The following PDE4D variants were observed in gnomAD, a reference collection of about 807,000 sequenced individuals.
PDE4D encodes the protein 3',5'-cyclic-AMP phosphodiesterase 4D.
In PDE4D, 24 loss-of-function variants were observed where a neutral mutation model predicts 87.4. The observed-to-expected ratio is 0.27, with a 90% CI of 0.20 to 0.39. The LOEUF (loss-of-function observed/expected upper bound fraction) is 0.39. PDE4D is among the 10% of genes least tolerant of loss of function. PDE4D has a pLI of 1.00. For missense variants in PDE4D, 714 were observed against 1,041.0 expected (o/e 0.69, Z 4.32); for synonymous variants, 384 against 383.2 (o/e 1.00, Z -0.02).
chr5:59,654,440 G>A (rs2150253091), intron 1 of PDE4D, among the ~76,000 whole-genome samples: 1 of 152,256 alleles, frequency 6.6e-6, no homozygotes, highest in South Asian at 2.1e-4. Flanking sequence ...GAGGTACTTT[G>A]TTAGCACAAT....
intron 1 of PDE4D, among the ~76,000 whole-genome samples, chr5:60,278,646 T>C (rs1044450990): frequency 6.6e-6 from 1 of 152,086 alleles, no homozygotes; most frequent in Non-Finnish European, 1.5e-5. Flanking sequence ...TTCCATTTTA[T>C]TATTTTTTTA....
chr5:60,169,292 G>A (rs1417031507), intron 2 of PDE4D, among the ~76,000 whole-genome samples: 1 of 151,906 alleles, frequency 6.6e-6, no homozygotes, highest in Non-Finnish European at 1.5e-5. Flanking sequence ...ACAAAAATAA[G>A]GAAACATTAA....
At position 59,112,733 on chromosome 5, in the gene PDE4D, C is replaced by A. The variant is rs560872280; in HGVS notation, c.808+67862G>T. Among the ~76,000 whole-genome samples, 19 of 151,196 alleles carry A rather than the reference C, an allele frequency of 1.3e-4. No individual in the cohort carries two copies. In the East Asian group the frequency reaches 3.3e-3, roughly 26 times the overall value. ...AGTTGGGGAAATCTATAATTCAACC[C>A]TCCCTCCCTTCCTTCCTCTCTTCTT... On this transcript the variant is annotated intron_variant, in intron 5 of 14. Transcript: ENST00000340635.
intron 1 of PDE4D, among the ~76,000 whole-genome samples, chr5:60,346,448 T>C (rs1392837757): frequency 6.6e-6 from 1 of 152,202 alleles, no homozygotes; most frequent in Non-Finnish European, 1.5e-5. Flanking sequence ...TCTCTAATAC[T>C]CAAATTACCA....
In PDE4D at chr5:59,915,695, C is replaced by A. The variant is rs1581720981; in HGVS notation, c.272+72793G>T. 2.0e-5 allele frequency among the ~76,000 whole-genome samples: 3 copies of A among 152,158 alleles called. No homozygotes were observed. The East Asian group carries it at 5.8e-4, about 29-fold the overall frequency. On this transcript the variant is annotated intron_variant, in intron 3 of 16. Transcript: ENST00000502484. ...TACCTCACTAGGGACTAAGGCATTG[C>A]ATTATGTCAGGATTGTATTACTTTT...
chr5:59,932,140 G>T lies in PDE4D; in HGVS notation c.272+56348C>A, dbSNP rs574885195. 5.3e-5 allele frequency among the ~76,000 whole-genome samples: 8 copies of T among 152,300 alleles called. No individual in the cohort carries two copies. In the East Asian group the frequency reaches 1.3e-3, roughly 26 times the overall value. ...TTAGAAACCATCCACATTCAGGTAG[G>T]TCAAGTGTTAAAAGCATAGCCATCA... On this transcript the variant is annotated intron_variant, in intron 3 of 16. Transcript: ENST00000502484.
intron 1 of PDE4D, among the ~76,000 whole-genome samples, chr5:59,382,390 C>A (rs1434359867): frequency 6.6e-6 from 1 of 151,632 alleles, no homozygotes; most frequent in Non-Finnish European, 1.5e-5. Flanking sequence ...ATTCCACAAG[C>A]AAAAAAAATT....
chr5:60,252,068 T>G (rs1308443599), intron 1 of PDE4D, among the ~76,000 whole-genome samples: 1 of 152,008 alleles, frequency 6.6e-6, no homozygotes, highest in African/African-American at 2.4e-5. Flanking sequence ...GTTTGTAGTC[T>G]AGGAGCAATA....
intron 1 of PDE4D, among the ~76,000 whole-genome samples, chr5:59,478,937 G>C (rs531061744): frequency 1.3e-5 from 2 of 151,956 alleles, no homozygotes; most frequent in Non-Finnish European, 2.9e-5. Context: ...TTAGTAATAA[G>C]TATCTTAAAA....
At chr5:60,242,902 C>A (rs1321690563) in intron 1 of PDE4D, among the ~76,000 whole-genome samples, 1 of 151,602 alleles carries the variant, frequency 6.6e-6, no homozygotes, top group Non-Finnish European at 1.5e-5. Flanking sequence ...AATAAAAAAA[C>A]CCAATAGTGT....
At chr5:59,754,256 G>A (rs1760892059) in intron 1 of PDE4D, among the ~76,000 whole-genome samples, 1 of 152,200 alleles carries the variant, frequency 6.6e-6, no homozygotes, top group South Asian at 2.1e-4. Flanking sequence ...CTTGAACCCA[G>A]GAGGCAGAGG....
At position 60,371,006 on chromosome 5, in the gene PDE4D, T is replaced by C. The variant is rs180718011; in HGVS notation, c.-90+116936A>G. Among the ~76,000 whole-genome samples the C allele has an allele frequency of 2.6e-5, 4 of 152,332 alleles. No homozygotes were observed. In the East Asian group the frequency reaches 7.7e-4, roughly 29 times the overall value. On this transcript the variant is annotated intron_variant, in intron 1 of 16. Coordinates refer to the PDE4D transcript ENST00000502484. ...AGACCACAAACCAGGAGAAACCATA[T>C]GTGAGCTCACAACTCTAGCAAAAGC...
chr5:59,700,262 G>A (rs562296567), intron 1 of PDE4D, among the ~76,000 whole-genome samples: 2 of 152,256 alleles, frequency 1.3e-5, no homozygotes, highest in Admixed American at 6.5e-5. Context: ...TGCAGTAGTT[G>A]GCTAAATAGA....
intron 5 of PDE4D, chr5:59,172,781 T>A (rs1783221610): frequency 6.6e-6 from 1 of 151,996 alleles, no homozygotes; most frequent in Non-Finnish European, 1.5e-5. Context: ...ACTTAACTAT[T>A]TATAATTCCT....
intron 2 of PDE4D, among the ~76,000 whole-genome samples, chr5:60,004,369 T>G (rs1764283042): frequency 6.6e-6 from 1 of 152,164 alleles, no homozygotes; most frequent in African/African-American, 2.4e-5. Flanking sequence ...TAGCATAGTA[T>G]TTGCATATAA....
At chr5:60,511,369 T>C (rs551789313) in intron 1 of PDE4D, among the ~76,000 whole-genome samples, 2 of 152,298 alleles carry the variant, frequency 1.3e-5, no homozygotes, top group African/African-American at 2.4e-5. Flanking sequence ...TTGACTCCCA[T>C]GTTCACTAAA....
intron 1 of PDE4D, among the ~76,000 whole-genome samples, chr5:59,840,380 C>G (rs545870844): frequency 6.6e-6 from 1 of 151,836 alleles, no homozygotes; most frequent in South Asian, 2.1e-4. Flanking sequence ...CATCTGATTC[C>G]TTTGCTCCTC....
At chr5:60,245,210 T>C (rs1021709445) in intron 1 of PDE4D, among the ~76,000 whole-genome samples, 14 of 151,822 alleles carry the variant, frequency 9.2e-5, no homozygotes, top group African/African-American at 2.7e-4. Context: ...CATTGAGAAA[T>C]GCATATCAAA....
At chr5:59,668,762 AAAG>A (rs1314098752) in intron 1 of PDE4D, among the ~76,000 whole-genome samples, 26 of 138,238 alleles carry the variant, frequency 1.9e-4, no homozygotes, top group African/African-American at 5.8e-4. Flanking sequence ...AAGAAAGAAG[AAAG>A]AAGAAGAAGA....
Sources: allele counts gnomAD v4.1 joint callset (sites outside exome capture counted in the v4.1 genomes callset), GRCh38; gene constraint gnomAD v4.1.1; transcripts MANE v1.5; gene names NCBI Gene and HGNC (gene_info 2026-07-23, HGNC 2026-07-21).